The following NPHS1 variants were observed in gnomAD, a reference collection of about 807,000 sequenced individuals.
NPHS1 encodes the protein NPHS1 adhesion molecule, nephrin.
A neutral mutation model predicts 139.7 loss-of-function variants in NPHS1; 107 were observed. The ratio of observed to expected loss-of-function variants is 0.77; its 90% CI spans 0.66 to 0.90. NPHS1 has a LOEUF of 0.90. Ranked by LOEUF, NPHS1 falls within the 40% of genes least tolerant of loss-of-function variation. The pLI, the probability that NPHS1 is intolerant of heterozygous loss-of-function variation, is 0.00. For missense variants in NPHS1, 1,580 were observed against 1,654.2 expected (o/e 0.96, Z 0.78); for synonymous variants, 707 against 706.6 (o/e 1.00, Z -0.01).
Position 35,830,847 on chromosome 19 carries a change from C to T in NPHS1, c.3591G>A (p.Gln1197=). ...GAWGPLYDEV[Q]MGPWDLHWPE... is the part of the protein sequence containing the mutation. ...TTGCTGATGCAAAGCTTCTCACCAT[C>T]TGCACTTCATCGTAGAGGGGTCCCC... Residue 1197 remains glutamine (Q), a synonymous_variant, in exon 28 of 29, where the codon CAG becomes CAA. Transcript: ENST00000378910. 6.3e-7 allele frequency: 1 copy of T among 1,584,168 alleles called. No individual in the cohort carries two copies. The highest frequency in any genetic ancestry group is 8.7e-7 in the Non-Finnish European group (1 of 1,152,582).
intron 6 of NPHS1, 61 bp downstream of exon 6, chr19:35,849,489 C>A: frequency 6.3e-7 from 1 of 1,596,696 alleles, no homozygotes; most frequent in South Asian, 1.1e-5. Context: ...GTGATCCCCC[C>A]ACACCCCCCA....
At chr19:35,838,386 C>G (rs913559109) in intron 22 of NPHS1, among the ~76,000 whole-genome samples, 2 of 151,938 alleles carry the variant, frequency 1.3e-5, no homozygotes, top group Non-Finnish European at 2.9e-5. Context: ...AACCCCGTCT[C>G]TACTAAAAAT....
Position 35,826,414 on chromosome 19 carries a change from T to G in NPHS1, c.*100A>C. 2 of 1,444,902 alleles carry G rather than the reference T, an allele frequency of 1.4e-6. No homozygotes were observed. The highest frequency in any genetic ancestry group is 1.9e-6 in the Non-Finnish European group (2 of 1,030,098). 89.5% of individuals were successfully genotyped at this position (1,444,902 alleles called of 1,614,324 possible). ...CTCCTGACACCAAGTCCCTTTGGGTTTTATGGAGCTCACCTAACCAGCTCG... is the reference window on the plus strand; with the variant it reads ...CTCCTGACACCAAGTCCCTTTGGGTGTTATGGAGCTCACCTAACCAGCTCG... On this transcript the variant is annotated 3_prime_UTR_variant, in exon 29 of 29. Coordinates refer to ENST00000378910, the MANE Select transcript of NPHS1 (RefSeq NM_004646.4).
At chr19:35,849,483 TC>T (rs1248701627) in intron 6 of NPHS1, 66 bp downstream of exon 6, 16 of 1,596,944 alleles carry the variant, frequency 1.0e-5, no homozygotes, top group Non-Finnish European at 1.3e-5. Context: ...ATCCCTGTGA[TC>T]CCCCCACACC....
intron 11 of NPHS1, among the ~76,000 whole-genome samples, chr19:35,846,476 C>T (rs1051733107): frequency 3.3e-5 from 5 of 152,212 alleles, no homozygotes; most frequent in Non-Finnish European, 7.3e-5. Flanking sequence ...CCTGCTCTGC[C>T]TCTGCAGCCA....
At chr19:35,840,651 G>A (rs572891151) in intron 20 of NPHS1, among the ~76,000 whole-genome samples, 41 of 149,028 alleles carry the variant, frequency 2.8e-4, no homozygotes, top group African/African-American at 9.2e-4. Context: ...TTCTTTAAAC[G>A]TCTCATCATA....
chr19:35,845,417 G>C lies in NPHS1; in HGVS notation c.1881C>G (p.Ser627Arg), dbSNP rs778000946. ...HGQRVTCRAH[S>R]AELRETVSSF... ...AGCTCACGGTTTCGCGGAGCTCGGC[G>C]CTGTGGGCGCGGCAGGTCACGCGCT... The change falls in exon 14 of 29, where the codon AGC becomes AGG. Residue 627 changes from serine to arginine, a missense_variant. Transcript: ENST00000378910. The surrounding 1 kb of genome is among the most constrained non-coding windows in gnomAD (Gnocchi z 5.5). The C allele has an allele frequency of 6.2e-7, 1 of 1,614,252 alleles. No individual in the cohort carries two copies. The highest frequency in any genetic ancestry group is 2.2e-5 in the East Asian group (1 of 44,888).
chr19:35,836,362 A>G (rs1481954792), intron 22 of NPHS1, among the ~76,000 whole-genome samples: 2 of 150,988 alleles, frequency 1.3e-5, no homozygotes, highest in Non-Finnish European at 2.9e-5. Context: ...GGTTCAAGCT[A>G]TCCTCCCGCC....
Position 35,831,743 on chromosome 19 carries a change from C to G in NPHS1, c.3186G>C (p.Leu1062=), listed in dbSNP as rs1972888608. Residue 1062 remains leucine (L), a synonymous_variant, in exon 24 of 29, where the codon CTG becomes CTC. Coordinates refer to ENST00000378910, the MANE Select transcript of NPHS1 (RefSeq NM_004646.4). The stretch of plus-strand genomic sequence containing the variant: ...CCCCAAGAGCGAACAGCACAGGCAG[C>G]AGGGGCAGCCCCGAGGGTCCTAGGG... ...EPPSGPSGLP[L]LPVLFALGGL... 6.3e-7 allele frequency: 1 copy of G among 1,578,552 alleles called. No individual in the cohort carries two copies. The highest frequency in any genetic ancestry group is 8.6e-7 in the Non-Finnish European group (1 of 1,162,854).
chr19:35,827,460 C>CAAAAAAAG (rs1176515466), intron 28 of NPHS1, among the ~76,000 whole-genome samples: 1 of 151,030 alleles, frequency 6.6e-6, no homozygotes, highest in South Asian at 2.1e-4. Flanking sequence ...GAGACTATCT[C>CAAAAAAAG]AAAAAAAGAA....
chr19:35,850,537 T>C, intron 4 of NPHS1, 92 bp from the exon 5 acceptor site: 1 of 1,059,012 alleles, frequency 9.4e-7, no homozygotes, highest in South Asian at 1.3e-5. Context: ...GTGGGTGCGA[T>C]GCCCCCTCCC....
At chr19:35,837,478 C>A (rs1972983310) in intron 22 of NPHS1, among the ~76,000 whole-genome samples, 1 of 151,852 alleles carries the variant, frequency 6.6e-6, no homozygotes, top group South Asian at 2.1e-4. Context: ...TTGATTTTCT[C>A]AATTGTTTTT....
At chr19:35,828,173 C>A (rs1972823677) in intron 28 of NPHS1, among the ~76,000 whole-genome samples, 1 of 152,186 alleles carries the variant, frequency 6.6e-6, no homozygotes. Flanking sequence ...GTTCAGCAAA[C>A]TTTAGAGCAG....
In NPHS1 at chr19:35,826,408, T is replaced by G; in HGVS notation, c.*106A>C. The G allele has an allele frequency of 5.9e-6, 8 of 1,349,522 alleles. No homozygotes were observed. Among genetic ancestry groups the G allele is most frequent in the East Asian group, 2.3e-5 (1 of 43,194 alleles). The allele number at this position is 1,349,522 out of a possible 1,614,324, so 83.6% of individuals were successfully genotyped here. On this transcript the variant is annotated 3_prime_UTR_variant, in exon 29 of 29. Transcript: ENST00000378910. ...TGTCCTCTCCTGACACCAAGTCCCT[T>G]TGGGTTTTATGGAGCTCACCTAACC...
At chr19:35,832,496 A>G (rs1972897601) in intron 23 of NPHS1, among the ~76,000 whole-genome samples, 1 of 152,056 alleles carries the variant, frequency 6.6e-6, no homozygotes, top group African/African-American at 2.4e-5. Context: ...GTGAGCTATG[A>G]TAGCACCACT....
chr19:35,837,400 C>G (rs1423212360), intron 22 of NPHS1, among the ~76,000 whole-genome samples: 8 of 152,064 alleles, frequency 5.3e-5, no homozygotes, highest in African/African-American at 1.9e-4. Context: ...TATTTTCTCC[C>G]TTTTATTTGT....
chr19:35,831,521 G>C, intron 24 of NPHS1, 21 bp from the exon 25 acceptor site: 1 of 1,613,822 alleles, frequency 6.2e-7, no homozygotes. Context: ...CAGGAATAAA[G>C]GGCTCAGTGA....
Position 35,851,346 on chromosome 19 carries a change from C to T in NPHS1, c.313G>A (p.Asp105Asn), listed in dbSNP as rs386833932. 5 of 1,613,538 alleles carry T rather than the reference C, an allele frequency of 3.1e-6. No homozygotes were observed. The highest frequency in any genetic ancestry group is 2.7e-5 in the African/African-American group (2 of 74,910). Residue 105 changes from aspartate to asparagine, a missense_variant, in exon 3 of 29, where the codon GAT becomes AAT. Asp to Asn is a conservative substitution (Grantham distance 23, BLOSUM62 1). Coordinates refer to ENST00000378910, the MANE Select transcript of NPHS1 (RefSeq NM_004646.4). Reference sequence around the variant, plus strand: ...ACCTGGCACTCATACTCCGCGTCATCGCTGAGGTCACAGGCCTCGATGTGC... The same window carrying T: ...ACCTGGCACTCATACTCCGCGTCATTGCTGAGGTCACAGGCCTCGATGTGC... ...HLHIEACDLS[D>N]DAEYECQVGR...
rs199721067 is a variant in NPHS1 at position 35,842,101 on chromosome 19, T to C, written c.2663+23A>G. The C allele has an allele frequency of 6.2e-4, 985 of 1,596,538 alleles. 6 individuals carry two copies. In the African/African-American group the frequency reaches 0.012, roughly 19 times the overall value. On this transcript the variant is annotated intron_variant, in intron 19 of 28. Transcript: ENST00000378910. The stretch of plus-strand genomic sequence containing the variant: ...AGGTCCAGACCTGGGGCTGGAGTGC[T>C]GCCTGGCTGGGCTTGGGCTCACCTG...
Sources: gnomAD v4.1 joint callset for allele counts (sites outside exome capture counted in the v4.1 genomes callset) on GRCh38, gnomAD v4.1.1 for gene constraint, Gnocchi (gnomAD v3.1) non-coding constraint, MANE v1.5 for transcripts, NCBI Gene and HGNC (gene_info 2026-07-23, HGNC 2026-07-21) for gene names.